PTPN13: variants seen among roughly 807,000 people sequenced by gnomAD.
PTPN13 encodes the protein protein tyrosine phosphatase non-receptor type 13, also known as tyrosine-protein phosphatase non-receptor type 13.
PTPN13 carries 191 observed loss-of-function variants against 284.0 expected under a neutral mutation model. That is an observed-to-expected ratio of 0.67 (90% CI 0.60 to 0.76). PTPN13 has a LOEUF of 0.76. Among genes scored for constraint, PTPN13 ranks in the 30% least tolerant of loss-of-function variants. The pLI is 0.00. For missense variants in PTPN13, 2,797 were observed against 2,939.9 expected (o/e 0.95, Z 1.12); for synonymous variants, 986 against 1,022.3 (o/e 0.96, Z 0.68).
At chr4:86,804,225 T>C (rs1051610196) in intron 43 of PTPN13, among the ~76,000 whole-genome samples, 2 of 152,120 alleles carry the variant, frequency 1.3e-5, no homozygotes, top group African/African-American at 4.8e-5. Flanking sequence ...TCTAATTTAA[T>C]ACAGCTCCAA....
At position 86,635,246 on chromosome 4, in the gene PTPN13, T is replaced by G; in HGVS notation, c.-5-6T>G. The G allele has an allele frequency of 6.3e-7, 1 of 1,586,342 alleles. No homozygotes were observed. The highest frequency in any genetic ancestry group is 2.3e-5 in the East Asian group (1 of 43,672). ...GCATAGACCATCTGTTACCTTTGTT[T>G]CCCAGGTAATATGCACGTGTCACTA... On this transcript the variant is annotated splice_polypyrimidine_tract_variant and splice_region_variant and intron_variant, in intron 1 of 47. Transcript: ENST00000411767.
At chr4:86,802,474 C>A (rs777432691) in intron 42 of PTPN13, among the ~76,000 whole-genome samples, 3 of 151,822 alleles carry the variant, frequency 2.0e-5, no homozygotes, top group Non-Finnish European at 4.4e-5. Context: ...CCATATGAGT[C>A]AAGAGAAGCA....
At chr4:86,801,103 G>A (rs1743982700) in intron 42 of PTPN13, among the ~76,000 whole-genome samples, 1 of 152,152 alleles carries the variant, frequency 6.6e-6, no homozygotes, top group African/African-American at 2.4e-5. Flanking sequence ...CTTTTTCTAG[G>A]ATAACAGTTG....
intron 20 of PTPN13, among the ~76,000 whole-genome samples, chr4:86,755,540 C>T (rs1191007379): frequency 2.0e-5 from 3 of 151,996 alleles, no homozygotes; most frequent in South Asian, 2.1e-4. Flanking sequence ...GTCCAAACCA[C>T]GAACTATAGA....
intron 2 of PTPN13, among the ~76,000 whole-genome samples, chr4:86,646,885 A>C (rs1036970741): frequency 1.3e-5 from 2 of 152,218 alleles, no homozygotes; most frequent in African/African-American, 4.8e-5. Context: ...ACATCAATAA[A>C]AAGGAGTGAA....
chr4:86,799,538 C>T (rs1743752695), intron 42 of PTPN13, among the ~76,000 whole-genome samples: 1 of 151,842 alleles, frequency 6.6e-6, no homozygotes, highest in South Asian at 2.1e-4. Context: ...CCATGTTGGC[C>T]AGGCTGGTCT....
chr4:86,704,741 G>A (rs1009077063), intron 7 of PTPN13, among the ~76,000 whole-genome samples: 3 of 152,012 alleles, frequency 2.0e-5, no homozygotes, highest in Non-Finnish European at 4.4e-5. Context: ...TTTTTAACTA[G>A]GGTTTTCAAA....
chr4:86,650,642 GGTTAA>G (rs1369589597), intron 2 of PTPN13, among the ~76,000 whole-genome samples: 1 of 152,074 alleles, frequency 6.6e-6, no homozygotes, highest in Non-Finnish European at 1.5e-5. Context: ...CTGCTTCTTT[GGTTAA>G]GTTTATTCCT....
chr4:86,782,414 C>G (rs76782824), intron 37 of PTPN13, among the ~76,000 whole-genome samples, 152 bp downstream of exon 37: 6 of 152,120 alleles, frequency 3.9e-5, no homozygotes, highest in Non-Finnish European at 7.3e-5. Flanking sequence ...AACTAATAGG[C>G]CTTGCTAAGT....
chr4:86,716,521 T>C lies in PTPN13; in HGVS notation c.1196-9T>C. The C allele has an allele frequency of 6.6e-7, 1 of 1,519,332 alleles. No individual in the cohort carries two copies. The highest frequency in any genetic ancestry group is 1.2e-5 in the South Asian group (1 of 80,650). The allele number at this position is 1,519,332 out of a possible 1,614,324, so 94.1% of individuals were successfully genotyped here. ...TTGCTTTCTAATCTTTTTGTTTTAA[T>C]CCTTTTAGAACCAGTTCGAAGATAC... On this transcript the variant is annotated splice_polypyrimidine_tract_variant and intron_variant, in intron 7 of 47. Coordinates refer to ENST00000411767, the MANE Select transcript of PTPN13 (RefSeq NM_080683.3).
At chr4:86,806,049 T>TG (rs1233500474) in intron 44 of PTPN13, among the ~76,000 whole-genome samples, 1 of 151,298 alleles carries the variant, frequency 6.6e-6, no homozygotes, top group Non-Finnish European at 1.5e-5. Flanking sequence ...CCCAGCTACT[T>TG]GGGAGGCTGA....
At chr4:86,595,308 A>G (rs1763547749) in intron 1 of PTPN13, among the ~76,000 whole-genome samples, 1 of 151,832 alleles carries the variant, frequency 6.6e-6, no homozygotes, top group Admixed American at 6.6e-5. Context: ...GCAGAGGGAG[A>G]GACACTGTCT....
At position 86,790,641 on chromosome 4, in the gene PTPN13, T is replaced by G. The variant is rs560627517; in HGVS notation, c.6345+4705T>G. ...GAAGACACAATGCTGAATTTTTTAG[T>G]AAGGATTCACCCTTAGAAGGGCTTT... On this transcript the variant is annotated intron_variant, in intron 40 of 47. Coordinates refer to ENST00000411767, the MANE Select transcript of PTPN13 (RefSeq NM_080683.3). Among the ~76,000 whole-genome samples the G allele has an allele frequency of 1.8e-4, 28 of 152,200 alleles. No homozygotes were observed. In the South Asian group the frequency reaches 2.1e-3, roughly 11 times the overall value.
intron 2 of PTPN13, among the ~76,000 whole-genome samples, chr4:86,641,085 A>G (rs1723728699): frequency 6.6e-6 from 1 of 152,204 alleles, no homozygotes; most frequent in Non-Finnish European, 1.5e-5. Context: ...TGTATTTGAT[A>G]ACACAATATC....
At chr4:86,687,254 T>C (rs1729555277) in intron 4 of PTPN13, among the ~76,000 whole-genome samples, 1 of 152,158 alleles carries the variant, frequency 6.6e-6, no homozygotes, top group South Asian at 2.1e-4. Context: ...CTTCAAATCG[T>C]ACATCATACT....
At chr4:86,640,664 A>G (rs1342665308) in intron 2 of PTPN13, among the ~76,000 whole-genome samples, 1 of 152,198 alleles carries the variant, frequency 6.6e-6, no homozygotes, top group African/African-American at 2.4e-5. Context: ...TGCCCAGGCC[A>G]TGACTCACAG....
At chr4:86,766,693 A>C in intron 27 of PTPN13, 176 bp downstream of exon 27, 1 of 450,200 alleles carries the variant, frequency 2.2e-6, no homozygotes, top group Non-Finnish European at 3.8e-6. Context: ...CAAGTATTAC[A>C]AGACATTTTT....
rs74952880 is a variant in PTPN13, at chr4:86,607,432, T to G, written c.-6+12643T>G. ...TTGAATATTATTGTGTGCTAGGCAC[T>G]CTTTTAAGAAATTGAGACGTAGTAT... is the stretch of plus-strand genomic sequence containing the variant. On this transcript the variant is annotated intron_variant, in intron 1 of 47. Coordinates refer to ENST00000411767, the MANE Select transcript of PTPN13 (RefSeq NM_080683.3). Among the ~76,000 whole-genome samples, 8 of 152,128 alleles carry G rather than the reference T, an allele frequency of 5.3e-5. No homozygotes were observed. In the East Asian group the frequency reaches 1.5e-3, roughly 29 times the overall value.
Position 86,734,838 on chromosome 4 carries a change from T to C in PTPN13, c.2114T>C (p.Leu705Ser), listed in dbSNP as rs769724442. The C allele has an allele frequency of 6.2e-7, 1 of 1,613,466 alleles. No homozygotes were observed. Among genetic ancestry groups the C allele is most frequent in the Non-Finnish European group, 8.5e-7 (1 of 1,179,526 alleles). ...GAGACTTCCTTATTGCTGGCATCCT[T>C]GGCTCTCCAGGCTGAGTATGGAGAT... Reference protein sequence around the residue: ...DDETSLLLASLALQAEYGDYQ... With the variant: ...DDETSLLLASSALQAEYGDYQ... Residue 705 changes from leucine (L) to serine (S), a missense_variant, in exon 14 of 48, where the codon TTG becomes TCG. Transcript: ENST00000411767.
Sources: gnomAD v4.1 joint callset for allele counts (sites outside exome capture counted in the v4.1 genomes callset) on GRCh38, gnomAD v4.1.1 for gene constraint, MANE v1.5 for transcripts, NCBI Gene and HGNC (gene_info 2026-07-23, HGNC 2026-07-21) for gene names.